GRM7: variants seen among roughly 807,000 people sequenced by gnomAD.
The protein encoded by GRM7 is glutamate metabotropic receptor 7, also known as metabotropic glutamate receptor 7.
GRM7 carries 35 observed loss-of-function variants against 84.5 expected under a neutral mutation model. The ratio of observed to expected loss-of-function variants is 0.41; its 90% confidence interval spans 0.32 to 0.55. The LOEUF is 0.55. GRM7 is among the 20% of genes least tolerant of loss of function. The pLI, the probability that GRM7 is intolerant of heterozygous loss-of-function variation, is 0.19. For synonymous variants in GRM7, 487 were observed against 455.1 expected (o/e 1.07, Z -0.89); for missense variants, 1,003 against 1,194.6 (o/e 0.84, Z 2.36).
intron 5 of GRM7, among the ~76,000 whole-genome samples, chr3:7,417,590 G>T (rs562267262): frequency 3.9e-4 from 59 of 152,248 alleles, no homozygotes; most frequent in African/African-American, 1.4e-3. Flanking sequence ...GAGCAGGCTA[G>T]CTGAGTAGTC....
intron 7 of GRM7, among the ~76,000 whole-genome samples, chr3:7,564,106 C>T (rs1160065830): frequency 6.6e-6 from 1 of 152,126 alleles, no homozygotes; most frequent in Non-Finnish European, 1.5e-5. Flanking sequence ...ATGGTCATCA[C>T]TGGGGACAAA....
chr3:6,968,990 A>T (rs970611611), intron 1 of GRM7, among the ~76,000 whole-genome samples: 1 of 152,118 alleles, frequency 6.6e-6, no homozygotes, highest in African/African-American at 2.4e-5. Context: ...TTCCTGCCTA[A>T]CTCACTCCAA....
chr3:7,030,115 G>A (rs1696135977), intron 1 of GRM7, among the ~76,000 whole-genome samples: 1 of 152,032 alleles, frequency 6.6e-6, no homozygotes, highest in Non-Finnish European at 1.5e-5. Flanking sequence ...CAATGAAAAA[G>A]AATGGACTAT....
At chr3:7,526,749 G>T (rs1194528012) in intron 7 of GRM7, among the ~76,000 whole-genome samples, 1 of 151,900 alleles carries the variant, frequency 6.6e-6, no homozygotes, top group African/African-American at 2.4e-5. Flanking sequence ...CGTATGGTTA[G>T]GTAATTTTCT....
intron 1 of GRM7, among the ~76,000 whole-genome samples, chr3:7,061,197 G>A (rs1249700881): frequency 6.6e-6 from 1 of 151,706 alleles, no homozygotes; most frequent in South Asian, 2.1e-4. Context: ...GCATAACATG[G>A]GTGACTTTGT....
chr3:7,154,219 A>T (rs564590818), intron 2 of GRM7, among the ~76,000 whole-genome samples: 1 of 152,226 alleles, frequency 6.6e-6, no homozygotes, highest in Non-Finnish European at 1.5e-5. Flanking sequence ...CCAATAACTC[A>T]CTGGGAACTA....
At chr3:6,892,994 A>ATG in intron 1 of GRM7, 1 of 151,882 alleles carries the variant, frequency 6.6e-6, no homozygotes, top group Admixed American at 6.6e-5. Context: ...TGATGATGAT[A>ATG]ATGATGATGA....
intron 2 of GRM7, among the ~76,000 whole-genome samples, chr3:7,277,387 T>A (rs1020048590): frequency 6.6e-6 from 1 of 152,004 alleles, no homozygotes; most frequent in Non-Finnish European, 1.5e-5. Flanking sequence ...CACTTAATGG[T>A]CAAATTTTAT....
At chr3:7,004,079 T>A (rs548648245) in intron 1 of GRM7, among the ~76,000 whole-genome samples, 1 of 152,272 alleles carries the variant, frequency 6.6e-6, no homozygotes, top group South Asian at 2.1e-4. Flanking sequence ...GAATAAGTGA[T>A]CCCAAAGGGC....
chr3:7,075,532 G>GTGTGTGTT (rs1559422770), intron 1 of GRM7, among the ~76,000 whole-genome samples: 3,811 of 147,758 alleles, frequency 0.026, 107 homozygotes, highest in African/African-American at 0.068. Flanking sequence ...GTGTGTGTGT[G>GTGTGTGTT]TGTGTGTGTG....
intron 1 of GRM7, among the ~76,000 whole-genome samples, chr3:7,095,384 G>A (rs1333035743): frequency 6.6e-6 from 1 of 152,046 alleles, no homozygotes; most frequent in Admixed American, 6.6e-5. Flanking sequence ...GACTCAGTGA[G>A]CAATTCATCA....
At chr3:6,874,673 C>G (rs989190859) in intron 1 of GRM7, among the ~76,000 whole-genome samples, 1 of 152,116 alleles carries the variant, frequency 6.6e-6, no homozygotes, top group African/African-American at 2.4e-5. Flanking sequence ...CTTCATGAAC[C>G]CTTGAATGTT....
chr3:6,987,090 C>T (rs1035917654), intron 1 of GRM7, among the ~76,000 whole-genome samples: 4 of 152,114 alleles, frequency 2.6e-5, no homozygotes, highest in Non-Finnish European at 5.9e-5. Context: ...TCTGTTCTTT[C>T]GTTTCCTTCT....
chr3:7,075,643 A>C (rs537110806), intron 1 of GRM7, among the ~76,000 whole-genome samples: 3 of 151,942 alleles, frequency 2.0e-5, no homozygotes, highest in African/African-American at 7.2e-5. Context: ...CTTGTGCCTC[A>C]ACCTCCTGAG....
At chr3:7,213,062 T>C (rs1263790250) in intron 2 of GRM7, among the ~76,000 whole-genome samples, 2 of 152,210 alleles carry the variant, frequency 1.3e-5, no homozygotes, top group Admixed American at 1.3e-4. Context: ...TTCTGTTCTA[T>C]TTTTATGCGT....
Position 7,680,074 on chromosome 3 carries a change from C to T in GRM7, c.2477C>T (p.Thr826Ile), listed in dbSNP as rs1448333260. 2 of 1,613,854 alleles carry T rather than the reference C, an allele frequency of 1.2e-6. No homozygotes were observed. The highest frequency in any genetic ancestry group is 1.7e-5 in the Admixed American group (1 of 60,000). ...EKLYIQTTTLTISMNLSASVA... is the reference protein window; with the variant it reads ...EKLYIQTTTLIISMNLSASVA... Reference sequence around the variant, plus strand: ...CTCTACATACAAACTACCACGCTTACAATCTCCATGAACCTAAGTGCATCA... The same window carrying T: ...CTCTACATACAAACTACCACGCTTATAATCTCCATGAACCTAAGTGCATCA... The change falls in exon 9 of 10, where the codon ACA becomes ATA. Residue 826 changes from threonine to isoleucine, a missense_variant. Coordinates refer to ENST00000357716, the MANE Select transcript of GRM7 (RefSeq NM_000844.4).
intron 1 of GRM7, among the ~76,000 whole-genome samples, chr3:7,106,575 G>A (rs892861429): frequency 9.9e-5 from 15 of 151,970 alleles, no homozygotes; most frequent in Non-Finnish European, 1.8e-4. Context: ...ATGAATAATG[G>A]CCACAGCTGA....
intron 7 of GRM7, among the ~76,000 whole-genome samples, chr3:7,538,723 A>G (rs1692702107): frequency 6.6e-6 from 1 of 152,220 alleles, no homozygotes; most frequent in Non-Finnish European, 1.5e-5. Flanking sequence ...GATAAAAAGC[A>G]TGTACAACTA....
intron 8 of GRM7, among the ~76,000 whole-genome samples, chr3:7,626,208 C>T (rs963102020): frequency 6.6e-6 from 1 of 152,104 alleles, no homozygotes; most frequent in African/African-American, 2.4e-5. Flanking sequence ...CCTCCCAGAA[C>T]CTCACTTTGA....
Sources: gnomAD v4.1 joint callset for allele counts (sites outside exome capture counted in the v4.1 genomes callset) on GRCh38, gnomAD v4.1.1 for gene constraint, MANE v1.5 for transcripts, NCBI Gene and HGNC (gene_info 2026-07-23, HGNC 2026-07-21) for gene names.